ZDHHC19: variants seen among roughly 807,000 people sequenced by gnomAD.
ZDHHC19 encodes zDHHC palmitoyltransferase 19.
Under a neutral mutation model 33.9 loss-of-function variants are expected in ZDHHC19, and 30 were observed. The observed-to-expected ratio is 0.88, with a 90% CI of 0.66 to 1.20. The LOEUF (loss-of-function observed/expected upper bound fraction) is 1.20. Among genes scored for constraint, ZDHHC19 ranks in the 50% most tolerant of loss-of-function variants. ZDHHC19 has a pLI of 0.00. For synonymous variants in ZDHHC19, 178 were observed against 167.6 expected, an observed-to-expected ratio of 1.06 and a Z score of -0.48; for missense variants, 364 against 401.1, an observed-to-expected ratio of 0.91 and a Z score of 0.79.
In ZDHHC19 at chr3:196,203,370, C is replaced by T. The variant is rs1197945363; in HGVS notation, c.687+4028G>A. ...ACTCTATGTCTTAAACTCACCCATGCTGCCCATTTTACAGTTGGGGAAAGT... is the reference window on the plus strand; with the variant it reads ...ACTCTATGTCTTAAACTCACCCATGTTGCCCATTTTACAGTTGGGGAAAGT... On this transcript the variant is annotated intron_variant, in intron 5 of 7. Transcript: ENST00000296326. The surrounding 1 kb of genome is among the most constrained non-coding windows in gnomAD (Gnocchi z 4.3). Among the ~76,000 whole-genome samples the T allele has an allele frequency of 2.0e-5, 3 of 152,232 alleles. No homozygotes were observed. The highest frequency in any genetic ancestry group is 4.8e-5 in the African/African-American group (2 of 41,462).
intron 5 of ZDHHC19, among the ~76,000 whole-genome samples, chr3:196,199,840 G>T (rs539635978): frequency 8.0e-4 from 122 of 151,920 alleles, no homozygotes; most frequent in Middle Eastern, 3.4e-3. Flanking sequence ...AGCTACTCGG[G>T]AGGCTGAGAC....
rs545908564 is a variant in ZDHHC19 at position 196,203,154 on chromosome 3, G to A, written c.687+4244C>T. Among the ~76,000 whole-genome samples, 3 of 152,000 alleles carry A rather than the reference G, an allele frequency of 2.0e-5. No individual in the cohort carries two copies. The highest frequency in any genetic ancestry group is 2.1e-4 in the South Asian group (1 of 4,814). On this transcript the variant is annotated intron_variant, in intron 5 of 7. Transcript: ENST00000296326. This position sits in a 1 kb window ranked among gnomAD's most constrained non-coding sequence, Gnocchi z 4.3. ...CGTGCACCTGTAATTCCAGCTACTC[G>A]GGAGGCTGAGGCAGGAGAATCGCTT...
rs1238044236 is a variant in ZDHHC19 at position 196,201,282 on chromosome 3, A to AGGCTG, written c.688-2409_688-2408insCAGCC. On this transcript the variant is annotated intron_variant, in intron 5 of 7. Coordinates refer to ENST00000296326, the MANE Select transcript of ZDHHC19 (RefSeq NM_001039617.2). ...GAGACGGGGTTTCACTGTGTTGGCCAGTCTCGAACTCCTGACCTCATGATC... is the reference window on the plus strand; with the variant it reads ...GAGACGGGGTTTCACTGTGTTGGCCAGGCTGGTCTCGAACTCCTGACCTCATGATC... Among the ~76,000 whole-genome samples, 4 of 151,028 alleles carry AGGCTG rather than the reference A, an allele frequency of 2.6e-5. No homozygotes were observed. In the South Asian group the frequency reaches 6.2e-4, roughly 24 times the overall value.
At chr3:196,205,856 C>T (rs1014195951) in intron 5 of ZDHHC19, among the ~76,000 whole-genome samples, 1 of 152,062 alleles carries the variant, frequency 6.6e-6, no homozygotes. Context: ...GACAGGGTTT[C>T]GCCATGTTGG....
chr3:196,209,617 G>T, intron 2 of ZDHHC19, 102 bp from the exon 3 acceptor site: 1 of 1,455,622 alleles, frequency 6.9e-7, no homozygotes. Context: ...GTGGGGACAA[G>T]GTGGGCAGGG....
In ZDHHC19 at chr3:196,203,805, G is replaced by A. The variant is rs140538745; in HGVS notation, c.687+3593C>T. ...CCAGAGCGGGCTGATGAGGAAGGGCGGAGCTGGGGAGTCACAGGTGGGGGA... is the reference window on the plus strand; with the variant it reads ...CCAGAGCGGGCTGATGAGGAAGGGCAGAGCTGGGGAGTCACAGGTGGGGGA... On this transcript the variant is annotated intron_variant, in intron 5 of 7. Transcript: ENST00000296326. This position sits in a 1 kb window ranked among gnomAD's most constrained non-coding sequence, Gnocchi z 4.3. Among the ~76,000 whole-genome samples, 10 of 152,302 alleles carry A rather than the reference G, an allele frequency of 6.6e-5. No homozygotes were observed. Among genetic ancestry groups the A allele is most frequent in the Non-Finnish European group, 1.0e-4 (7 of 68,018 alleles).
At chr3:196,206,466 C>T (rs74355665) in intron 5 of ZDHHC19, among the ~76,000 whole-genome samples, 35,065 of 151,586 alleles carry the variant, frequency 0.23, 4,173 homozygotes, top group East Asian at 0.36. Context: ...AATCCTCCCA[C>T]CTCAGCCTCT....
Position 196,203,183 on chromosome 3 carries a change from C to A in ZDHHC19, c.687+4215G>T, listed in dbSNP as rs1722493666. Among the ~76,000 whole-genome samples, 1 of 151,730 alleles carries A rather than the reference C, an allele frequency of 6.6e-6. No homozygotes were observed. The highest frequency in any genetic ancestry group is 1.5e-5 in the Non-Finnish European group (1 of 67,926). On this transcript the variant is annotated intron_variant, in intron 5 of 7. Coordinates refer to ENST00000296326, the MANE Select transcript of ZDHHC19 (RefSeq NM_001039617.2). This position sits in a 1 kb window ranked among gnomAD's most constrained non-coding sequence, Gnocchi z 4.3. ...GGCTGAGGCAGGAGAATCGCTTGAA[C>A]CCAGGAGGCCAAGATCACACCACTG...
At chr3:196,207,126 A>C (rs1722796928) in intron 5 of ZDHHC19, among the ~76,000 whole-genome samples, 1 of 152,140 alleles carries the variant, frequency 6.6e-6, no homozygotes, top group Non-Finnish European at 1.5e-5. Context: ...GTTCCTCATC[A>C]ACACGAGTGT....
In ZDHHC19 at chr3:196,208,433, A is replaced by G. The variant is rs1001626687; in HGVS notation, c.536T>C (p.Leu179Pro). ...GAMLVTCLIFLVRTTHLPFST... is the reference protein window; with the variant it reads ...GAMLVTCLIFPVRTTHLPFST... The stretch of plus-strand genomic sequence containing the variant: ...GAAGGGCAGGTGGGTTGTGCGCACC[A>G]GGAAGATGAGACAGGTGACCAGCAT... The change falls in exon 4 of 8, where the codon CTG becomes CCG. Residue 179 changes from leucine (L) to proline (P), a missense_variant. Transcript: ENST00000296326. The G allele has an allele frequency of 1.2e-6, 2 of 1,614,022 alleles. No homozygotes were observed. The highest frequency in any genetic ancestry group is 2.7e-5 in the African/African-American group (2 of 74,940).
Position 196,210,771 on chromosome 3 carries a change from G to A in ZDHHC19, c.147-34C>T, listed in dbSNP as rs539040022. On this transcript the variant is annotated intron_variant, in intron 1 of 7. Transcript: ENST00000296326. ...AGAGGCAGGCTCGGTCCTGAGCAGG[G>A]GCAGCCCAAAGCCCCCGGCCCAAGG... 12 of 1,606,374 alleles carry A rather than the reference G, an allele frequency of 7.5e-6. No individual in the cohort carries two copies. In the East Asian group the frequency reaches 2.2e-4, roughly 30 times the overall value.
In ZDHHC19 at chr3:196,207,530, G is replaced by A. The variant is rs554424582; in HGVS notation, c.582-27C>T. 2.7e-4 allele frequency: 414 copies of A among 1,521,268 alleles called. 5 individuals are homozygous for A. In the South Asian group the frequency reaches 4.7e-3, roughly 17 times the overall value. 94.2% of individuals were successfully genotyped at this position (1,521,268 alleles called of 1,614,324 possible). A position where few individuals can be genotyped will look rare whatever the true frequency, so the allele number is the denominator to read the frequency against. On this transcript the variant is annotated intron_variant, in intron 4 of 7. Coordinates refer to ENST00000296326, the MANE Select transcript of ZDHHC19 (RefSeq NM_001039617.2). ...TGCGCGGGTTAAGGAACCGGGCTGC[G>A]GGACCCCCACGCCTGGCCCCGCCCC...
chr3:196,209,309 T>A (rs1399855579), intron 3 of ZDHHC19, 67 bp downstream of exon 3: 1 of 1,526,116 alleles, frequency 6.6e-7, no homozygotes, highest in Non-Finnish European at 8.8e-7. Flanking sequence ...GGCCCCTGTA[T>A]GAGGGAGGCT....
chr3:196,203,895 G>A lies in ZDHHC19; in HGVS notation c.687+3503C>T, dbSNP rs574124157. The stretch of plus-strand genomic sequence containing the variant: ...GGATGGGAGGTGGTGGGCAGAGAGG[G>A]CGCCTGTGTCCTTCCAGCTGTCTGA... On this transcript the variant is annotated intron_variant, in intron 5 of 7. Coordinates refer to ENST00000296326, the MANE Select transcript of ZDHHC19 (RefSeq NM_001039617.2). The surrounding 1 kb of genome is among the most constrained non-coding windows in gnomAD (Gnocchi z 4.3). 1.3e-5 allele frequency among the ~76,000 whole-genome samples: 2 copies of A among 152,210 alleles called. No individual in the cohort carries two copies. The highest frequency in any genetic ancestry group is 2.1e-4 in the South Asian group (1 of 4,820).
At position 196,198,785 on chromosome 3, in the gene ZDHHC19, T is replaced by C. The variant is rs768875203; in HGVS notation, c.773+4A>G. On this transcript the variant is annotated splice_donor_region_variant and intron_variant, in intron 6 of 7. Transcript: ENST00000296326. ...CCAGTTGGGCCTCTGGCTTGCCAAC[T>C]CACTTGGGTCCCAGTGGTGCACAAA... is the stretch of plus-strand genomic sequence containing the variant. 4 of 1,613,866 alleles carry C rather than the reference T, an allele frequency of 2.5e-6. No individual in the cohort carries two copies. Among genetic ancestry groups the C allele is most frequent in the Admixed American group, 1.7e-5 (1 of 59,998 alleles).
chr3:196,199,918 C>G (rs1050286571), intron 5 of ZDHHC19, among the ~76,000 whole-genome samples: 3 of 151,894 alleles, frequency 2.0e-5, no homozygotes, highest in African/African-American at 7.3e-5. Flanking sequence ...GCACTCCAGC[C>G]TGGGCGACAG....
At chr3:196,204,508 A>G (rs998671321) in intron 5 of ZDHHC19, among the ~76,000 whole-genome samples, 1 of 152,224 alleles carries the variant, frequency 6.6e-6, no homozygotes, top group African/African-American at 2.4e-5. Flanking sequence ...TTTTTTTGTA[A>G]CAAATAATAA....
At position 196,210,752 on chromosome 3, in the gene ZDHHC19, A is replaced by G; in HGVS notation, c.147-15T>C. 1 of 1,612,092 alleles carries G rather than the reference A, an allele frequency of 6.2e-7. No individual in the cohort carries two copies. Among genetic ancestry groups the G allele is most frequent in the South Asian group, 1.1e-5 (1 of 90,688 alleles). ...GCCACCTGCAACTGAGACCAGAGGCAGGCTCGGTCCTGAGCAGGGGCAGCC... is the reference window on the plus strand; with the variant it reads ...GCCACCTGCAACTGAGACCAGAGGCGGGCTCGGTCCTGAGCAGGGGCAGCC... On this transcript the variant is annotated splice_polypyrimidine_tract_variant and intron_variant, in intron 1 of 7. Coordinates refer to ENST00000296326, the MANE Select transcript of ZDHHC19 (RefSeq NM_001039617.2).
rs183056274 is a variant in ZDHHC19 at position 196,198,884 on chromosome 3, G to T, written c.688-10C>A. ...CCTGAAGGTGTCTGCACTGGTCGGG[G>T]ATGGAAACCGGAAGAGGAGCTCAGA... On this transcript the variant is annotated splice_polypyrimidine_tract_variant and intron_variant, in intron 5 of 7. Transcript: ENST00000296326. 29 of 1,613,364 alleles carry T rather than the reference G, an allele frequency of 1.8e-5. No homozygotes were observed. The East Asian group carries it at 6.0e-4, about 34-fold the overall frequency.
Sources: allele counts gnomAD v4.1 joint callset (sites outside exome capture counted in the v4.1 genomes callset), GRCh38; gene constraint gnomAD v4.1.1; non-coding constraint Gnocchi (gnomAD v3.1); transcripts MANE v1.5; gene names NCBI Gene and HGNC (gene_info 2026-07-23, HGNC 2026-07-21).